CDC14A: variants seen among roughly 807,000 people sequenced by gnomAD.
CDC14A encodes dual specificity protein phosphatase CDC14A.
Under a neutral mutation model 74.4 loss-of-function variants are expected in CDC14A, and 53 were observed. The ratio of observed to expected loss-of-function variants is 0.71; its 90% CI spans 0.57 to 0.89. CDC14A has a LOEUF of 0.89. CDC14A is among the 40% of genes least tolerant of loss of function. The pLI, the probability that CDC14A is intolerant of heterozygous loss-of-function variation, is 0.00. For missense variants in CDC14A, 646 were observed against 713.7 expected (o/e 0.91, Z 1.08); for synonymous variants, 247 against 258.4 (o/e 0.96, Z 0.43).
chr1:100,409,739 TTTCAA>T (rs1660426667), intron 4 of CDC14A, among the ~76,000 whole-genome samples: 1 of 152,212 alleles, frequency 6.6e-6, no homozygotes, highest in African/African-American at 2.4e-5. Flanking sequence ...GTTGCAAGGC[TTTCAA>T]TTTGAAATCA....
At chr1:100,456,640 TAA>T (rs11298645) in intron 8 of CDC14A, among the ~76,000 whole-genome samples, 37 of 145,666 alleles carry the variant, frequency 2.5e-4, no homozygotes, top group African/African-American at 6.0e-4. Flanking sequence ...CCCTGTCTCT[TAA>T]AAAAAAAAAA....
chr1:100,349,261 T>G (rs1430801374), upstream of CDC14A, among the ~76,000 whole-genome samples: 1 of 152,206 alleles, frequency 6.6e-6, no homozygotes, highest in Non-Finnish European at 1.5e-5. Flanking sequence ...TGAATTTCTG[T>G]GTGTAATATT....
intron 2 of CDC14A, among the ~76,000 whole-genome samples, chr1:100,375,744 T>C (rs1024168661): frequency 1.1e-4 from 16 of 152,220 alleles, no homozygotes; most frequent in African/African-American, 1.9e-4. Flanking sequence ...GTGTGGCGAT[T>C]CCTCAAGGAT....
At chr1:100,500,169 A>G (rs764591460) in intron 15 of CDC14A, among the ~76,000 whole-genome samples, 12 of 152,198 alleles carry the variant, frequency 7.9e-5, no homozygotes, top group Non-Finnish European at 1.8e-4. Context: ...AATCAATCCT[A>G]TGTATTAAGG....
intron 4 of CDC14A, among the ~76,000 whole-genome samples, chr1:100,418,759 C>T (rs573321216): frequency 2.0e-4 from 31 of 152,270 alleles, no homozygotes; most frequent in Non-Finnish European, 3.2e-4. Flanking sequence ...CCTTTTCTTG[C>T]TTAGTTCCGT....
In CDC14A at chr1:100,462,821, G is replaced by T. The variant is rs61755295; in HGVS notation, c.778G>T (p.Val260Leu). The change falls in exon 9 of 16, where the codon GTG (valine) becomes TTG (leucine). Residue 260 changes from valine to leucine, a missense_variant. By Grantham distance (32) the Val-to-Leu change is conservative (BLOSUM62 1). Transcript: ENST00000336454. ...TGGCAGCACACCCAGTGACAACATCGTGCGAAGGTTCCTGAACATCTGTGA... is the reference window on the plus strand; with the variant it reads ...TGGCAGCACACCCAGTGACAACATCTTGCGAAGGTTCCTGAACATCTGTGA... The part of the protein sequence containing the change: ...IDGSTPSDNI[V>L]RRFLNICENT... The T allele has an allele frequency of 3.7e-6, 6 of 1,613,924 alleles. No homozygotes were observed. Among genetic ancestry groups the T allele is most frequent in the Non-Finnish European group, 5.1e-6 (6 of 1,180,002 alleles).
chr1:100,487,968 G>A (rs1670211097), intron 11 of CDC14A, among the ~76,000 whole-genome samples: 1 of 151,966 alleles, frequency 6.6e-6, no homozygotes, highest in Non-Finnish European at 1.5e-5. Context: ...GCCTTAATAA[G>A]TATTATGTGA....
In CDC14A at chr1:100,355,255, G is replaced by T. The variant is rs539466341; in HGVS notation, c.140+1403G>T. ...CTGTTTTTGTGATTTTAGGTTTTGG[G>T]GGTCTCTCATGAGTCTGAGAGTGGG... On this transcript the variant is annotated intron_variant, in intron 2 of 15. Transcript: ENST00000336454. Among the ~76,000 whole-genome samples, 38 of 152,234 alleles carry T rather than the reference G, an allele frequency of 2.5e-4. No homozygotes were observed. The South Asian group carries it at 7.3e-3, about 29-fold the overall frequency.
intron 4 of CDC14A, among the ~76,000 whole-genome samples, chr1:100,418,983 G>A (rs1661903992): frequency 6.6e-6 from 1 of 152,078 alleles, no homozygotes; most frequent in Non-Finnish European, 1.5e-5. Context: ...CCAGGAGTTT[G>A]AGACCAGCCT....
intron 3 of CDC14A, 53 bp from the exon 4 acceptor site, chr1:100,390,679 A>T: frequency 8.9e-7 from 1 of 1,128,988 alleles, no homozygotes; most frequent in Non-Finnish European, 1.3e-6. Flanking sequence ...CCTTCTGTAT[A>T]TGTTAACTTT....
intron 10 of CDC14A, among the ~76,000 whole-genome samples, chr1:100,470,728 A>G (rs1041680335): frequency 6.6e-6 from 1 of 152,202 alleles, no homozygotes; most frequent in Non-Finnish European, 1.5e-5. Flanking sequence ...TCAGGGAAAT[A>G]GAAATTGAAA....
At chr1:100,433,654 C>T (rs1195411550) in intron 5 of CDC14A, among the ~76,000 whole-genome samples, 6 of 152,108 alleles carry the variant, frequency 3.9e-5, no homozygotes, top group Non-Finnish European at 7.4e-5. Context: ...CTTTCTTCTT[C>T]GAGTAACTTC....
chr1:100,437,066 G>A lies in CDC14A; in HGVS notation c.390-2866G>A, dbSNP rs188254644. Among the ~76,000 whole-genome samples, 5 of 152,228 alleles carry A rather than the reference G, an allele frequency of 3.3e-5. No homozygotes were observed. In the East Asian group the frequency reaches 9.7e-4, roughly 29 times the overall value. ...CTGGGCATGGTGGCTTGTGCCTGTA[G>A]TCCCAGCTAATTCAGGGGCTGAGGC... On this transcript the variant is annotated intron_variant, in intron 5 of 15. Transcript: ENST00000336454.
Position 100,424,153 on chromosome 1 carries a change from C to A in CDC14A, c.310-69C>A. On this transcript the variant is annotated intron_variant, in intron 4 of 15. Coordinates refer to ENST00000336454, the MANE Select transcript of CDC14A (RefSeq NM_003672.4). ...CACTCAAAGTGGAGGAAGTGAAATG[C>A]AAATTTGGTGAGTAATTAGTTTTGT... 7 of 1,176,832 alleles carry A rather than the reference C, an allele frequency of 5.9e-6. No individual in the cohort carries two copies. The South Asian group carries it at 8.5e-5, about 14-fold the overall frequency. The allele number at this position is 1,176,832 out of a possible 1,614,324, so 72.9% of individuals were successfully genotyped here.
At chr1:100,349,780 G>A (rs1263922601), upstream of CDC14A, among the ~76,000 whole-genome samples, 2 of 151,456 alleles carry the variant, frequency 1.3e-5, no homozygotes, top group African/African-American at 2.4e-5. Context: ...CTCCCGCCTC[G>A]GCCTCATGAG....
intron 10 of CDC14A, among the ~76,000 whole-genome samples, chr1:100,474,041 A>G (rs1034663661): frequency 6.6e-6 from 1 of 152,152 alleles, no homozygotes; most frequent in African/African-American, 2.4e-5. Flanking sequence ...TGTGTTTCTG[A>G]GGGTTCTTAT....
chr1:100,454,254 G>A (rs1666445033), intron 7 of CDC14A, among the ~76,000 whole-genome samples: 2 of 152,046 alleles, frequency 1.3e-5, no homozygotes, highest in South Asian at 4.2e-4. Flanking sequence ...GCCATATAAT[G>A]GGGGGAGAAA....
At chr1:100,398,907 C>T in intron 4 of CDC14A, among the ~76,000 whole-genome samples, 1 of 152,022 alleles carries the variant, frequency 6.6e-6, no homozygotes, top group African/African-American at 2.4e-5. Flanking sequence ...GAGGAACCAT[C>T]AGACAGGGAG....
intron 15 of CDC14A, among the ~76,000 whole-genome samples, chr1:100,511,477 T>A (rs1394073185): frequency 6.6e-6 from 1 of 152,218 alleles, no homozygotes; most frequent in East Asian, 1.9e-4. Flanking sequence ...TGTCCTTACA[T>A]TGGCTCTTTC....
Sources: gnomAD v4.1 joint callset for allele counts (sites outside exome capture counted in the v4.1 genomes callset) on GRCh38, gnomAD v4.1.1 for gene constraint, MANE v1.5 for transcripts, NCBI Gene and HGNC (gene_info 2026-07-23, HGNC 2026-07-21) for gene names.